The following NYAP2 variants were observed in gnomAD, a reference collection of about 807,000 sequenced individuals.
NYAP2 encodes the protein neuronal tyrosine-phosphorylated phosphoinositide-3-kinase adapter 2.
In NYAP2, 23 loss-of-function variants were observed where a neutral mutation model predicts 50.4. The ratio of observed to expected loss-of-function variants is 0.46; its 90% CI spans 0.33 to 0.65. The LOEUF is 0.65. Among genes scored for constraint, NYAP2 ranks in the 30% least tolerant of loss-of-function variants. The pLI is 0.02. For synonymous variants in NYAP2, 394 were observed against 365.2 expected (o/e 1.08, Z -0.90); for missense variants, 885 against 861.0 (o/e 1.03, Z -0.35).
chr2:225,540,872 C>T (rs1441357387), intron 4 of NYAP2, among the ~76,000 whole-genome samples: 1 of 152,080 alleles, frequency 6.6e-6, no homozygotes, highest in Non-Finnish European at 1.5e-5. Context: ...AAGTGTTCTC[C>T]ATAATGGTTT....
rs1041165110 is a variant in NYAP2 at position 225,550,549 on chromosome 2, T to G, written c.524-31392T>G. Among the ~76,000 whole-genome samples the G allele has an allele frequency of 2.0e-5, 3 of 152,290 alleles. 1 individual carries two copies. The highest frequency in any genetic ancestry group is 4.2e-4 in the South Asian group (2 of 4,818). On this transcript the variant is annotated intron_variant, in intron 4 of 6. Transcript: ENST00000636099. ...GGAATTAGAGAGGAGGCAAACATAA[T>G]TTTTTGAGACAGTTGCCCATAAAAA...
chr2:225,556,293 G>A (rs545913734), intron 4 of NYAP2, among the ~76,000 whole-genome samples: 2 of 152,156 alleles, frequency 1.3e-5, no homozygotes, highest in South Asian at 2.1e-4. Context: ...ATACAATATA[G>A]CATATACAGG....
chr2:225,466,017 G>C (rs112980798), intron 3 of NYAP2, among the ~76,000 whole-genome samples: 1 of 152,074 alleles, frequency 6.6e-6, no homozygotes, highest in Admixed American at 6.5e-5. Flanking sequence ...ACACCATGCC[G>C]CTTGCTAATT....
At chr2:225,622,559 T>TC (rs1553557354) in intron 5 of NYAP2, among the ~76,000 whole-genome samples, 1,503 of 56,810 alleles carry the variant, frequency 0.026, 22 homozygotes, top group Non-Finnish European at 0.034. Flanking sequence ...CTTTCTTTCT[T>TC]TTTCTTTCTT....
the NYAP2 span, among the ~76,000 whole-genome samples, chr2:225,696,385 T>TAAG: frequency 6.6e-6 from 1 of 151,936 alleles, no homozygotes; most frequent in Non-Finnish European, 1.5e-5. Flanking sequence ...GTTAGAATAA[T>TAAG]AAGACTTGGG....
chr2:225,570,500 G>A (rs1291359022), intron 4 of NYAP2, among the ~76,000 whole-genome samples: 1 of 152,166 alleles, frequency 6.6e-6, no homozygotes, highest in South Asian at 2.1e-4. Flanking sequence ...CATGGTGGAT[G>A]GCACCTCTTC....
intron 3 of NYAP2, among the ~76,000 whole-genome samples, chr2:225,424,917 G>C (rs1358036387): frequency 6.6e-6 from 1 of 152,134 alleles, no homozygotes; most frequent in Non-Finnish European, 1.5e-5. Flanking sequence ...AAAGAAATCT[G>C]TGTAGTTCTA....
At chr2:225,565,794 C>T (rs369784273) in intron 4 of NYAP2, among the ~76,000 whole-genome samples, 2 of 151,990 alleles carry the variant, frequency 1.3e-5, no homozygotes, top group Non-Finnish European at 2.9e-5. Flanking sequence ...AACAAGGCTT[C>T]GTAAAGTTAG....
intron 5 of NYAP2, among the ~76,000 whole-genome samples, chr2:225,609,300 C>G (rs1212000313): frequency 6.6e-6 from 1 of 152,126 alleles, no homozygotes; most frequent in Non-Finnish European, 1.5e-5. Context: ...CGTTCATACT[C>G]TTCTTACATG....
At chr2:225,535,622 G>C (rs909810044) in intron 4 of NYAP2, among the ~76,000 whole-genome samples, 1 of 152,126 alleles carries the variant, frequency 6.6e-6, no homozygotes, top group South Asian at 2.1e-4. Flanking sequence ...GCATTGTGGT[G>C]GTCTGAGTGG....
At chr2:225,611,867 GAT>G (rs202136778) in intron 5 of NYAP2, among the ~76,000 whole-genome samples, 2 of 146,860 alleles carry the variant, frequency 1.4e-5, no homozygotes, top group African/African-American at 5.1e-5. Context: ...TATAGAGAGA[GAT>G]ATATATATGT....
At chr2:225,416,374 A>G (rs979042980) in intron 3 of NYAP2, among the ~76,000 whole-genome samples, 3 of 152,182 alleles carry the variant, frequency 2.0e-5, no homozygotes, top group Non-Finnish European at 4.4e-5. Context: ...GAATTAACTT[A>G]TGCTAGGTGC....
chr2:225,451,287 C>G (rs922107897), intron 3 of NYAP2, among the ~76,000 whole-genome samples: 4 of 152,090 alleles, frequency 2.6e-5, no homozygotes, highest in Admixed American at 6.6e-5. Flanking sequence ...TTCATGTCCA[C>G]TGTGAATGGC....
At chr2:225,643,224 A>AT (rs138301278) in intron 6 of NYAP2, among the ~76,000 whole-genome samples, 3,764 of 152,146 alleles carry the variant, frequency 0.025, 177 homozygotes, top group African/African-American at 0.086. Flanking sequence ...CATGGGCAGA[A>AT]AACAGTGTTT....
the NYAP2 span, among the ~76,000 whole-genome samples, chr2:225,682,572 G>A: frequency 2.0e-5 from 3 of 152,168 alleles, no homozygotes; most frequent in Non-Finnish European, 2.9e-5. Context: ...AACTGGAGGT[G>A]GAGGAGGAAA....
At position 225,430,715 on chromosome 2, in the gene NYAP2, ATT is replaced by A. The variant is rs71062989; in HGVS notation, c.221+21623_221+21624del. On this transcript the variant is annotated intron_variant, in intron 3 of 6. Transcript: ENST00000636099. ...GAGGCAGTGCCCTAACTAGAATGCT[ATT>A]TTTTTTTTATTAAAACCAAAAACAA... 9.4e-3 allele frequency among the ~76,000 whole-genome samples: 1,434 copies of A among 151,800 alleles called. 21 individuals are homozygous for A. Among genetic ancestry groups the A allele is most frequent in the African/African-American group, 0.033 (1,355 of 41,418 alleles).
rs76265323 is a variant in NYAP2, at chr2:225,634,162, C to T, written c.1828+7036C>T. Among the ~76,000 whole-genome samples, 809 of 152,322 alleles carry T rather than the reference C, an allele frequency of 5.3e-3. 8 individuals are homozygous for T. The highest frequency in any genetic ancestry group is 0.019 in the African/African-American group (780 of 41,570). On this transcript the variant is annotated intron_variant, in intron 6 of 6. Coordinates refer to ENST00000636099, the Ensembl canonical transcript of NYAP2. ...AAAAGAGAAATAGAGGTTTAGAATTCCATGAATAGTGAGGGCCAGCAGCCT... is the reference window on the plus strand; with the variant it reads ...AAAAGAGAAATAGAGGTTTAGAATTTCATGAATAGTGAGGGCCAGCAGCCT...
intron 3 of NYAP2, among the ~76,000 whole-genome samples, chr2:225,476,094 C>A (rs1324700164): frequency 6.6e-6 from 1 of 152,166 alleles, no homozygotes; most frequent in Non-Finnish European, 1.5e-5. Flanking sequence ...ATCTGTGAGG[C>A]AGATTAGTCT....
intron 3 of NYAP2, among the ~76,000 whole-genome samples, chr2:225,457,057 A>G (rs947408091): frequency 2.0e-5 from 3 of 152,220 alleles, no homozygotes; most frequent in African/African-American, 4.8e-5. Flanking sequence ...TATTTGTCCA[A>G]GATGATGGTG....
Sources: gnomAD v4.1 joint callset for allele counts (sites outside exome capture counted in the v4.1 genomes callset) on GRCh38, gnomAD v4.1.1 for gene constraint, MANE v1.5 for transcripts, NCBI Gene and HGNC (gene_info 2026-07-23, HGNC 2026-07-21) for gene names.